Variants in MYO16 observed in about 807,000 individuals in gnomAD.
MYO16 encodes myosin XVI, also known as unconventional myosin-XVI.
In MYO16, 94 loss-of-function variants were observed where a neutral mutation model predicts 205.3. That is an observed-to-expected ratio of 0.46 (90% CI 0.39 to 0.54). The LOEUF (loss-of-function observed/expected upper bound fraction) is 0.54, where lower values mean the gene tolerates loss of function less well. Ranked by LOEUF, MYO16 falls within the 20% of genes least tolerant of loss-of-function variation. The pLI, the probability that MYO16 is intolerant of heterozygous loss-of-function variation, is 0.00. For missense variants in MYO16, 2,315 were observed against 2,387.5 expected (o/e 0.97, Z 0.63); for synonymous variants, 988 against 954.0 (o/e 1.04, Z -0.66).
At chr13:108,804,059 T>C (rs1170030062) in intron 6 of MYO16, among the ~76,000 whole-genome samples, 1 of 152,216 alleles carries the variant, frequency 6.6e-6, no homozygotes, top group African/African-American at 2.4e-5. Flanking sequence ...ATCTGAGTGC[T>C]GGAGGCTGCA....
At chr13:108,520,636 T>C in the MYO16 span, among the ~76,000 whole-genome samples, 4 of 131,406 alleles carry the variant, frequency 3.0e-5, no homozygotes, top group Non-Finnish European at 6.2e-5. Context: ...ATTTTTACAA[T>C]TTATTAATAC....
At chr13:108,906,485 A>G (rs1880985494) in intron 15 of MYO16, among the ~76,000 whole-genome samples, 1 of 152,226 alleles carries the variant, frequency 6.6e-6, no homozygotes, top group African/African-American at 2.4e-5. Context: ...AGGTGTAATA[A>G]CAGATGAATA....
At chr13:108,510,461 G>GTTTTTTTTTTTTTTTTTTTTTT in the MYO16 span, among the ~76,000 whole-genome samples, 1 of 45,916 alleles carries the variant, frequency 2.2e-5, no homozygotes, top group African/African-American at 1.0e-4. Context: ...ATTGATAGCT[G>GTTTTTTTTTTTTTTTTTTTTTT]TTTTTTTTTT....
intron 6 of MYO16, among the ~76,000 whole-genome samples, chr13:108,798,383 C>T (rs12862899): frequency 0.17 from 26,542 of 152,008 alleles, 2,765 homozygotes; most frequent in Middle Eastern, 0.27. Flanking sequence ...TCTAATAAGA[C>T]GGGTTTGGAG....
rs1054876999 is a variant in MYO16, at chr13:108,882,962, C to T, written c.1426-97C>T. 59 of 1,482,492 alleles carry T rather than the reference C, an allele frequency of 4.0e-5. No individual in the cohort carries two copies. The South Asian group carries it at 5.5e-4, about 14-fold the overall frequency. 91.8% of individuals were successfully genotyped at this position (1,482,492 alleles called of 1,614,324 possible). On this transcript the variant is annotated intron_variant, in intron 12 of 34. Coordinates refer to ENST00000457511, the MANE Select transcript of MYO16 (RefSeq NM_001198950.3). ...AGATTCAGAATTAGGGATTCATTCACTTCTGTATCTTGGACAGAAGTCACT... is the reference window on the plus strand; with the variant it reads ...AGATTCAGAATTAGGGATTCATTCATTTCTGTATCTTGGACAGAAGTCACT...
chr13:108,605,967 G>A (rs190819812), intron 1 of MYO16, among the ~76,000 whole-genome samples: 13 of 152,306 alleles, frequency 8.5e-5, no homozygotes, highest in Admixed American at 7.8e-4. Flanking sequence ...TGAAGTCCAG[G>A]CTGAGGTAGT....
intron 16 of MYO16, among the ~76,000 whole-genome samples, chr13:108,940,800 G>T (rs1195381774): frequency 6.6e-6 from 1 of 152,188 alleles, no homozygotes; most frequent in Non-Finnish European, 1.5e-5. Flanking sequence ...TTCTCTGGAA[G>T]TGCAGAATTG....
rs541354206 is a variant in MYO16 at position 108,614,344 on chromosome 13, G to A, written c.-39+18105G>A. Among the ~76,000 whole-genome samples, 25 of 152,118 alleles carry A rather than the reference G, an allele frequency of 1.6e-4. No homozygotes were observed. In the South Asian group the frequency reaches 5.0e-3, roughly 30 times the overall value. On this transcript the variant is annotated intron_variant, in intron 1 of 24. Transcript: ENST00000251041. ...ATTAAAGAAGCCCTCAAAGGGAAAGGCATTCTTTTCCATGGATTGAAAGAC... is the reference window on the plus strand; with the variant it reads ...ATTAAAGAAGCCCTCAAAGGGAAAGACATTCTTTTCCATGGATTGAAAGAC...
At chr13:108,883,774 T>C (rs932453113) in intron 13 of MYO16, among the ~76,000 whole-genome samples, 2 of 151,972 alleles carry the variant, frequency 1.3e-5, no homozygotes, top group Non-Finnish European at 2.9e-5. Flanking sequence ...TACAGGCACA[T>C]GCCACCACAC....
At chr13:108,810,441 T>C (rs188756873) in intron 7 of MYO16, among the ~76,000 whole-genome samples, 1 of 152,288 alleles carries the variant, frequency 6.6e-6, no homozygotes, top group East Asian at 1.9e-4. Flanking sequence ...ACCAAGATAC[T>C]CTTCTTTTAC....
intron 2 of MYO16, among the ~76,000 whole-genome samples, chr13:108,683,957 C>A (rs950740909): frequency 6.6e-6 from 1 of 152,284 alleles, no homozygotes; most frequent in Middle Eastern, 3.4e-3. Flanking sequence ...CTCACAGCAA[C>A]CTCCGCCTCC....
intron 16 of MYO16, among the ~76,000 whole-genome samples, chr13:108,921,139 C>A (rs1490332811): frequency 6.6e-6 from 1 of 152,202 alleles, no homozygotes; most frequent in South Asian, 2.1e-4. Flanking sequence ...CTGATATAGT[C>A]GGTGTTTCTT....
chr13:109,016,418 G>A (rs1885819199), intron 22 of MYO16, among the ~76,000 whole-genome samples: 1 of 152,224 alleles, frequency 6.6e-6, no homozygotes, highest in Non-Finnish European at 1.5e-5. Flanking sequence ...GTGATGTGGT[G>A]CTAAGAAGAA....
the MYO16 span, among the ~76,000 whole-genome samples, chr13:108,567,304 A>C: frequency 1.3e-5 from 2 of 152,186 alleles, no homozygotes; most frequent in African/African-American, 4.8e-5. Flanking sequence ...AGGGAGAGAG[A>C]AATATAGATA....
the MYO16 span, among the ~76,000 whole-genome samples, chr13:108,570,096 T>A: frequency 6.6e-6 from 1 of 152,220 alleles, no homozygotes; most frequent in South Asian, 2.1e-4. Context: ...AGTATTATTA[T>A]GATCTCTGCC....
Position 108,961,787 on chromosome 13 carries a change from G to T in MYO16, c.2155+131G>T, listed in dbSNP as rs191344893. 146 of 684,882 alleles carry T rather than the reference G, an allele frequency of 2.1e-4. No homozygotes were observed. The East Asian group carries it at 3.5e-3, about 16-fold the overall frequency. The allele number at this position is 684,882 out of a possible 1,614,324, so 42.4% of individuals were successfully genotyped here. On this transcript the variant is annotated intron_variant, in intron 18 of 34. Transcript: ENST00000457511. Reference sequence around the variant, plus strand: ...TTCCTCTATAGTAGAATTCAGTGAGGGGGGGAAATTGTCTACTTTGTTTTT... The same window carrying T: ...TTCCTCTATAGTAGAATTCAGTGAGTGGGGGAAATTGTCTACTTTGTTTTT...
At chr13:108,571,104 A>C in the MYO16 span, among the ~76,000 whole-genome samples, 1 of 152,210 alleles carries the variant, frequency 6.6e-6, no homozygotes, top group Non-Finnish European at 1.5e-5. Flanking sequence ...AAAAGATAGC[A>C]GAAGTCAAGC....
At chr13:108,568,148 A>G in the MYO16 span, among the ~76,000 whole-genome samples, 1 of 152,186 alleles carries the variant, frequency 6.6e-6, no homozygotes, top group African/African-American at 2.4e-5. Flanking sequence ...TTTTGGTTAT[A>G]ATGAATAATG....
At chr13:108,860,245 A>G (rs1878389865) in intron 11 of MYO16, among the ~76,000 whole-genome samples, 1 of 146,212 alleles carries the variant, frequency 6.8e-6, no homozygotes, top group Non-Finnish European at 1.5e-5. Context: ...CCTCCCATTT[A>G]TAAGGAGAAC....
Sources: gnomAD v4.1 joint callset for allele counts (sites outside exome capture counted in the v4.1 genomes callset) on GRCh38, gnomAD v4.1.1 for gene constraint, MANE v1.5 for transcripts, NCBI Gene and HGNC (gene_info 2026-07-23, HGNC 2026-07-21) for gene names.